WWOX: variants seen among roughly 807,000 people sequenced by gnomAD.
WWOX encodes WW domain containing oxidoreductase, also known as WW domain-containing oxidoreductase.
WWOX carries 69 observed loss-of-function variants against 46.2 expected under a neutral mutation model. The ratio of observed to expected loss-of-function variants is 1.49; its 90% CI spans 1.23 to 1.82. The LOEUF (loss-of-function observed/expected upper bound fraction) is 1.82. Ranked by LOEUF, WWOX falls within the 40% of genes most tolerant of loss-of-function variation. The pLI is 0.00. For synonymous variants in WWOX, 359 were observed against 202.6 expected, an observed-to-expected ratio of 1.77 and a Z score of -6.56; for missense variants, 919 against 542.6, an observed-to-expected ratio of 1.69 and a Z score of -6.89.
chr16:78,853,134 A>G (rs1158408276), intron 8 of WWOX, among the ~76,000 whole-genome samples: 5 of 152,252 alleles, frequency 3.3e-5, no homozygotes, highest in Admixed American at 2.6e-4. Flanking sequence ...AATATGTTGT[A>G]CTATACGTTA....
chr16:78,681,324 G>C (rs1369559307), intron 8 of WWOX, among the ~76,000 whole-genome samples: 1 of 152,188 alleles, frequency 6.6e-6, no homozygotes, highest in Non-Finnish European at 1.5e-5. Context: ...AGGATGGCTT[G>C]AGCCCAGAGG....
intron 8 of WWOX, among the ~76,000 whole-genome samples, chr16:78,705,249 A>G (rs926994518): frequency 6.6e-6 from 1 of 152,192 alleles, no homozygotes; most frequent in South Asian, 2.1e-4. Flanking sequence ...GGTTTTCTCT[A>G]TGCATATTGT....
In WWOX at chr16:78,409,414, C is replaced by A. The variant is rs373175028; in HGVS notation, c.606-15456C>A. Among the ~76,000 whole-genome samples, 20 of 152,260 alleles carry A rather than the reference C, an allele frequency of 1.3e-4. No homozygotes were observed. The South Asian group carries it at 3.7e-3, about 28-fold the overall frequency. On this transcript the variant is annotated intron_variant, in intron 6 of 8. Transcript: ENST00000566780. ...CCCCTGGGAACCATTGATCTTTTTTCTGTCCCTAGTTGTTTGTCTTCTCTG... is the reference window on the plus strand; with the variant it reads ...CCCCTGGGAACCATTGATCTTTTTTATGTCCCTAGTTGTTTGTCTTCTCTG...
intron 8 of WWOX, among the ~76,000 whole-genome samples, chr16:78,767,346 G>A (rs1284571308): frequency 2.0e-5 from 3 of 151,632 alleles, no homozygotes; most frequent in Non-Finnish European, 2.9e-5. Context: ...TGTTGCCCTG[G>A]CTGATCTTGA....
intron 8 of WWOX, among the ~76,000 whole-genome samples, chr16:78,808,807 C>G (rs980641077): frequency 6.6e-6 from 1 of 152,156 alleles, no homozygotes; most frequent in African/African-American, 2.4e-5. Flanking sequence ...GACCACTAGC[C>G]TAAACTGCTA....
intron 8 of WWOX, among the ~76,000 whole-genome samples, chr16:78,881,889 G>A (rs112415594): frequency 2.6e-5 from 4 of 152,296 alleles, no homozygotes; most frequent in African/African-American, 4.8e-5. Flanking sequence ...TTGGTAGGCC[G>A]AGGTAGGTGG....
intron 8 of WWOX, among the ~76,000 whole-genome samples, chr16:78,976,345 A>C (rs1453389044): frequency 1.3e-5 from 2 of 152,172 alleles, no homozygotes; most frequent in Non-Finnish European, 2.9e-5. Flanking sequence ...GCTTTTGCTC[A>C]TGGTACCTCA....
chr16:78,739,397 G>A (rs2049163486), intron 8 of WWOX, among the ~76,000 whole-genome samples: 1 of 152,118 alleles, frequency 6.6e-6, no homozygotes, highest in African/African-American at 2.4e-5. Flanking sequence ...AACAGTGATT[G>A]GATGTCATGT....
chr16:78,781,029 C>G (rs2050311470), intron 8 of WWOX, among the ~76,000 whole-genome samples: 1 of 152,300 alleles, frequency 6.6e-6, no homozygotes, highest in Middle Eastern at 3.4e-3. Context: ...CACCTCTCCA[C>G]ATTTGGAAGA....
At chr16:79,067,802 G>C (rs1486389003) in intron 8 of WWOX, among the ~76,000 whole-genome samples, 1 of 152,186 alleles carries the variant, frequency 6.6e-6, no homozygotes, top group Non-Finnish European at 1.5e-5. Context: ...GGTTCGAATG[G>C]AATGAGTGTG....
intron 8 of WWOX, among the ~76,000 whole-genome samples, chr16:78,724,902 G>A (rs906997595): frequency 1.1e-4 from 16 of 152,258 alleles, no homozygotes; most frequent in South Asian, 4.1e-4. Context: ...TGCATCTCTG[G>A]AGGCTGAGCA....
At chr16:78,649,984 T>A (rs1409375693) in intron 8 of WWOX, among the ~76,000 whole-genome samples, 2 of 152,188 alleles carry the variant, frequency 1.3e-5, no homozygotes, top group Non-Finnish European at 2.9e-5. Flanking sequence ...GGAGGGAGGT[T>A]CCATTGTATA....
At chr16:78,785,262 A>T (rs1400643881) in intron 8 of WWOX, among the ~76,000 whole-genome samples, 1 of 152,192 alleles carries the variant, frequency 6.6e-6, no homozygotes, top group African/African-American at 2.4e-5. Context: ...CCCACCTTCG[A>T]TGGGCAGGTG....
intron 8 of WWOX, among the ~76,000 whole-genome samples, chr16:78,609,378 A>G (rs1412387193): frequency 6.6e-6 from 1 of 152,150 alleles, no homozygotes; most frequent in Non-Finnish European, 1.5e-5. Flanking sequence ...AAACACTGAA[A>G]TAGCTATATG....
At chr16:78,117,632 T>C (rs2032867747) in intron 4 of WWOX, among the ~76,000 whole-genome samples, 1 of 152,194 alleles carries the variant, frequency 6.6e-6, no homozygotes. Context: ...CTGTGGCTTC[T>C]AGATAAAGTC....
At chr16:78,125,921 A>C (rs1169703599) in intron 4 of WWOX, among the ~76,000 whole-genome samples, 3 of 152,136 alleles carry the variant, frequency 2.0e-5, no homozygotes, top group Non-Finnish European at 4.4e-5. Context: ...TTCCTTATGG[A>C]AAATTTAGAA....
intron 8 of WWOX, among the ~76,000 whole-genome samples, chr16:78,619,645 C>T (rs541050862): frequency 1.3e-5 from 2 of 151,880 alleles, no homozygotes; most frequent in Non-Finnish European, 2.9e-5. Flanking sequence ...TGGCTCATGT[C>T]TGTAAAGCCA....
chr16:78,219,711 C>T (rs140203346), intron 5 of WWOX, among the ~76,000 whole-genome samples: 56 of 152,238 alleles, frequency 3.7e-4, no homozygotes, highest in African/African-American at 1.2e-3. Flanking sequence ...TCTGTTACCA[C>T]GACGAATACT....
At chr16:79,120,828 G>A (rs1237431799) in intron 8 of WWOX, among the ~76,000 whole-genome samples, 1 of 152,186 alleles carries the variant, frequency 6.6e-6, no homozygotes, top group Non-Finnish European at 1.5e-5. Flanking sequence ...GAGTGCAGTG[G>A]CATGATCTTG....
Sources: allele counts gnomAD v4.1 joint callset (sites outside exome capture counted in the v4.1 genomes callset), GRCh38; gene constraint gnomAD v4.1.1; transcripts MANE v1.5; gene names NCBI Gene and HGNC (gene_info 2026-07-23, HGNC 2026-07-21).